The following RFX1 variants were observed in gnomAD, a reference collection of about 807,000 sequenced individuals.
RFX1 encodes the protein regulatory factor X1.
A neutral mutation model predicts 119.6 loss-of-function variants in RFX1; 42 were observed. The observed-to-expected ratio is 0.35, with a 90% CI of 0.27 to 0.45. RFX1 has a LOEUF of 0.45. Ranked by LOEUF, RFX1 falls within the 20% of genes least tolerant of loss-of-function variation. The pLI is 1.00. For synonymous variants in RFX1, 628 were observed against 618.5 expected (o/e 1.02, Z -0.23); for missense variants, 1,118 against 1,368.1 (o/e 0.82, Z 2.88).
chr19:13,988,696 C>T (rs539970281), intron 2 of RFX1, among the ~76,000 whole-genome samples: 1 of 152,062 alleles, frequency 6.6e-6, no homozygotes, highest in South Asian at 2.1e-4. Flanking sequence ...CCCCCACCAT[C>T]CCATTATTGT....
At chr19:13,997,118 G>A (rs1975056563) in intron 1 of RFX1, among the ~76,000 whole-genome samples, 1 of 152,190 alleles carries the variant, frequency 6.6e-6, no homozygotes, top group Non-Finnish European at 1.5e-5. Context: ...CCCTGCCCAA[G>A]GCCGCAGTTA....
At position 13,985,631 on chromosome 19, in the gene RFX1, C is replaced by T. The variant is rs140346218; in HGVS notation, c.320-2036G>A. On this transcript the variant is annotated intron_variant, in intron 2 of 20. Coordinates refer to ENST00000254325, the MANE Select transcript of RFX1 (RefSeq NM_002918.5). This position sits in a 1 kb window ranked among gnomAD's most constrained non-coding sequence, Gnocchi z 4.3. ...ACGAACCTCATACCACATATGGAAC[C>T]GGAGTCACTGGTTCTGCCTGGGCTG... is the stretch of plus-strand genomic sequence containing the variant. 3.7e-3 allele frequency among the ~76,000 whole-genome samples: 566 copies of T among 152,368 alleles called. 6 individuals carry two copies. The highest frequency in any genetic ancestry group is 0.013 in the African/African-American group (533 of 41,586).
chr19:14,004,367 G>A (rs1171751090), intron 1 of RFX1, among the ~76,000 whole-genome samples: 1 of 152,204 alleles, frequency 6.6e-6, no homozygotes, highest in Non-Finnish European at 1.5e-5. Flanking sequence ...AATCAGCCGG[G>A]CATGATGGCG....
intron 8 of RFX1, among the ~76,000 whole-genome samples, chr19:13,973,928 G>A (rs1974171967): frequency 6.6e-6 from 1 of 151,180 alleles, no homozygotes; most frequent in Admixed American, 6.6e-5. Context: ...CACCACACCT[G>A]GCCGACCCTG....
At chr19:13,984,108 C>T (rs933175353) in intron 2 of RFX1, among the ~76,000 whole-genome samples, 1 of 150,002 alleles carries the variant, frequency 6.7e-6, no homozygotes, top group South Asian at 2.1e-4. Context: ...CCCCTCTGTC[C>T]TCAGTGGGGT....
Position 13,980,732 on chromosome 19 carries a change from G to T in RFX1, c.622-43C>A. ...ACAGGAGTGCCGCTGGGGTGGGCTT[G>T]CATCCTCTCTGAGGTGGGCTCACAC... On this transcript the variant is annotated intron_variant, in intron 5 of 20. Transcript: ENST00000254325. This position sits in a 1 kb window ranked among gnomAD's most constrained non-coding sequence, Gnocchi z 5.1. 7.7e-7 allele frequency: 1 copy of T among 1,301,940 alleles called. No homozygotes were observed. The highest frequency in any genetic ancestry group is 1.0e-6 in the Non-Finnish European group (1 of 980,144). 80.6% of individuals were successfully genotyped at this position (1,301,940 alleles called of 1,614,324 possible).
rs1372244924 is a variant in RFX1, at chr19:13,993,749, G to A, written c.95C>T (p.Pro32Leu). 2 of 1,597,198 alleles carry A rather than the reference G, an allele frequency of 1.3e-6. No homozygotes were observed. Among genetic ancestry groups the A allele is most frequent in the African/African-American group, 1.3e-5 (1 of 74,332 alleles). ...PPQAQPQPPP[P>L]PPPAAPQPPQ... ...GGGCTGGGGTGCCGCTGGGGGTGGTGGCGGTGGCGGCTGGGGCTGGGCTTG... is the reference window on the plus strand; with the variant it reads ...GGGCTGGGGTGCCGCTGGGGGTGGTAGCGGTGGCGGCTGGGGCTGGGCTTG... Residue 32 changes from proline to leucine, a missense_variant, in exon 2 of 21, where the codon CCA becomes CTA. This residue lies in a region of RFX1 where 542 missense variants were observed against 602.7 expected (regional missense o/e 0.90). Coordinates refer to ENST00000254325, the MANE Select transcript of RFX1 (RefSeq NM_002918.5).
rs138684656 is a variant in RFX1 at position 13,982,723 on chromosome 19, G to C, written c.513+464C>G. Among the ~76,000 whole-genome samples the C allele has an allele frequency of 2.4e-3, 372 of 152,326 alleles. 1 individual carries two copies. Among genetic ancestry groups the C allele is most frequent in the African/African-American group, 8.5e-3 (353 of 41,562 alleles). ...GGAGGCTGAGGCAGGAGAATCACTT[G>C]ACCCTGGGAGGCGGAGGTTGCAGTG... On this transcript the variant is annotated intron_variant, in intron 4 of 20. Transcript: ENST00000254325.
rs373402750 is a variant in RFX1 at position 13,979,403 on chromosome 19, G to C, written c.834+44C>G. 6.3e-6 allele frequency: 9 copies of C among 1,419,142 alleles called. No individual in the cohort carries two copies. In the African/African-American group the frequency reaches 1.0e-4, roughly 16 times the overall value. 87.9% of individuals were successfully genotyped at this position (1,419,142 alleles called of 1,614,324 possible). ...GCCTGCACTCCCCAGCCCCAGCCCG[G>C]GACCAGCCCCTTTGCCCGTGGGGTA... On this transcript the variant is annotated intron_variant, in intron 7 of 20. Transcript: ENST00000254325.
intron 17 of RFX1, 50 bp from the exon 18 acceptor site, chr19:13,963,796 C>T (rs1193549845): frequency 2.7e-6 from 4 of 1,494,704 alleles, no homozygotes; most frequent in Admixed American, 2.2e-5. Flanking sequence ...GCCGTCACCC[C>T]CGCCTGGCCC....
rs1339375020 is a variant in RFX1, at chr19:13,980,153, T to C, written c.738+420A>G. On this transcript the variant is annotated intron_variant, in intron 6 of 20. Transcript: ENST00000254325. The surrounding 1 kb of genome is among the most constrained non-coding windows in gnomAD (Gnocchi z 5.1). ...AACCAGATGGTGCGCAGCCCCAGCA[T>C]CTTAACCTGCGCCGGCTCAGGGCTC... 2.0e-5 allele frequency among the ~76,000 whole-genome samples: 3 copies of C among 152,176 alleles called. No individual in the cohort carries two copies. Among genetic ancestry groups the C allele is most frequent in the Non-Finnish European group, 4.4e-5 (3 of 68,022 alleles).
At chr19:13,995,525 G>A (rs1974979541) in intron 1 of RFX1, among the ~76,000 whole-genome samples, 1 of 152,186 alleles carries the variant, frequency 6.6e-6, no homozygotes, top group South Asian at 2.1e-4. Context: ...AGGCTGCACT[G>A]AGAACCTGGC....
At chr19:13,977,851 G>A in intron 8 of RFX1, 141 bp downstream of exon 8, 1 of 623,568 alleles carries the variant, frequency 1.6e-6, no homozygotes. Context: ...CCTGGGGAGT[G>A]CCCACCTGTG....
chr19:13,978,154 GCTGGTGCCCACCCAGGCTATCC>G, intron 7 of RFX1, 68 bp from the exon 8 acceptor site: 1 of 1,206,200 alleles, frequency 8.3e-7, no homozygotes. Flanking sequence ...CCTCTAAAGG[GCTGGTGCCCACCCAGGCTATCC>G]CTGACGCCCA....
rs1228395002 is a variant in RFX1 at position 13,983,616 on chromosome 19, G to C, written c.320-21C>G. 1.9e-6 allele frequency: 3 copies of C among 1,565,614 alleles called. No homozygotes were observed. The African/African-American group carries it at 4.0e-5, about 21-fold the overall frequency. ...ACCTTCTGTGGGGAGGGGCCACCAG[G>C]TCAGTTCTTCCTGCTTTCCCTGCCC... On this transcript the variant is annotated intron_variant, in intron 2 of 20. Coordinates refer to ENST00000254325, the MANE Select transcript of RFX1 (RefSeq NM_002918.5).
At position 13,966,820 on chromosome 19, in the gene RFX1, C is replaced by T. The variant is rs1051363497; in HGVS notation, c.1733-69G>A. On this transcript the variant is annotated intron_variant, in intron 12 of 20. Coordinates refer to ENST00000254325, the MANE Select transcript of RFX1 (RefSeq NM_002918.5). This position sits in a 1 kb window ranked among gnomAD's most constrained non-coding sequence, Gnocchi z 6.3. Reference sequence around the variant, plus strand: ...CTGCCCACCCTGGGGTCCTACTGACCTGTCCGTTTCCCATCAGACTGGGGT... The same window carrying T: ...CTGCCCACCCTGGGGTCCTACTGACTTGTCCGTTTCCCATCAGACTGGGGT... 8 of 1,054,678 alleles carry T rather than the reference C, an allele frequency of 7.6e-6. No individual in the cohort carries two copies. The East Asian group carries it at 9.9e-5, about 13-fold the overall frequency. The allele number at this position is 1,054,678 out of a possible 1,614,324, so 65.3% of individuals were successfully genotyped here.
chr19:13,976,214 G>A lies in RFX1; in HGVS notation c.929+1778C>T, dbSNP rs146094606. Among the ~76,000 whole-genome samples the A allele has an allele frequency of 2.5e-3, 386 of 152,350 alleles. 4 individuals are homozygous for A. Among genetic ancestry groups the A allele is most frequent in the African/African-American group, 8.8e-3 (364 of 41,568 alleles). On this transcript the variant is annotated intron_variant, in intron 8 of 20. Coordinates refer to ENST00000254325, the MANE Select transcript of RFX1 (RefSeq NM_002918.5). ...TTTAGATGCCTGGACCAGGCCCACTGGGGTCGGTCAGAGCATCATGACCCT... is the reference window on the plus strand; with the variant it reads ...TTTAGATGCCTGGACCAGGCCCACTAGGGTCGGTCAGAGCATCATGACCCT...
chr19:13,979,425 G>A (rs1294076600), intron 7 of RFX1, 22 bp downstream of exon 7: 4 of 1,519,932 alleles, frequency 2.6e-6, no homozygotes, highest in African/African-American at 1.4e-5. Flanking sequence ...TTGCCCGTGG[G>A]GTAGGAGGGG....
intron 8 of RFX1, among the ~76,000 whole-genome samples, chr19:13,973,955 A>AAG (rs1472834620): frequency 1.3e-5 from 2 of 152,112 alleles, no homozygotes; most frequent in African/African-American, 4.8e-5. Flanking sequence ...TAATTAAAAA[A>AAG]AAAAAAAAAT....
Sources: allele counts gnomAD v4.1 joint callset (sites outside exome capture counted in the v4.1 genomes callset), GRCh38; gene constraint gnomAD v4.1.1; regional missense constraint gnomAD v4.1.1; non-coding constraint Gnocchi (gnomAD v3.1); transcripts MANE v1.5; gene names NCBI Gene and HGNC (gene_info 2026-07-23, HGNC 2026-07-21).